TET1: variants seen among roughly 807,000 people sequenced by gnomAD.
The protein encoded by TET1 is tet methylcytosine dioxygenase 1, also known as methylcytosine dioxygenase TET1.
TET1 carries 13 observed loss-of-function variants against 148.7 expected under a neutral mutation model. The observed-to-expected ratio is 0.09, with a 90% CI of 0.06 to 0.14. The LOEUF (loss-of-function observed/expected upper bound fraction) is 0.14. TET1 is among the 10% of genes least tolerant of loss of function. TET1 has a pLI of 1.00. For synonymous variants in TET1, 907 were observed against 937.2 expected, an observed-to-expected ratio of 0.97 and a Z score of 0.59; for missense variants, 2,182 against 2,553.8, an observed-to-expected ratio of 0.85 and a Z score of 3.14.
chr10:68,627,445 A>T (rs2054501634), intron 3 of TET1, among the ~76,000 whole-genome samples: 1 of 151,854 alleles, frequency 6.6e-6, no homozygotes, highest in African/African-American at 2.4e-5. Context: ...AAAATACAAA[A>T]ATTAGGCGGA....
chr10:68,582,403 A>T (rs2053808490), intron 2 of TET1, among the ~76,000 whole-genome samples: 1 of 152,160 alleles, frequency 6.6e-6, no homozygotes, highest in Non-Finnish European at 1.5e-5. Flanking sequence ...GCCTTAGATG[A>T]CACTATTAAG....
chr10:68,691,921 A>C lies in TET1; in HGVS notation c.*107A>C, dbSNP rs2055600390. 7.7e-7 allele frequency: 1 copy of C among 1,307,074 alleles called. No individual in the cohort carries two copies. The highest frequency in any genetic ancestry group is 1.0e-6 in the Non-Finnish European group (1 of 964,268). 81.0% of individuals were successfully genotyped at this position (1,307,074 alleles called of 1,614,324 possible). The stretch of plus-strand genomic sequence containing the variant: ...TTACTATCTTCATCTCACCCATTTC[A>C]AGTCTGAGGTAAAAAAATAATAATG... On this transcript the variant is annotated 3_prime_UTR_variant, in exon 12 of 12. Transcript: ENST00000373644. This position sits in a 1 kb window ranked among gnomAD's most constrained non-coding sequence, Gnocchi z 4.4.
intron 9 of TET1, among the ~76,000 whole-genome samples, chr10:68,681,979 C>CA (rs928419676): frequency 4.5e-5 from 5 of 111,710 alleles, no homozygotes; most frequent in East Asian, 2.7e-4. Context: ...AAAAAAAAAA[C>CA]AAAAAAAACC....
chr10:68,624,674 C>G (rs138446562), intron 3 of TET1, among the ~76,000 whole-genome samples: 1 of 85,522 alleles, frequency 1.2e-5, no homozygotes, highest in Non-Finnish European at 2.2e-5. Flanking sequence ...CTCTCTCTCT[C>G]TCTCTCTCTC....
At chr10:68,678,387 T>C (rs1171812961) in intron 8 of TET1, among the ~76,000 whole-genome samples, 1 of 152,166 alleles carries the variant, frequency 6.6e-6, no homozygotes, top group East Asian at 1.9e-4. Context: ...AATCTGAAAC[T>C]TAAGAAATGG....
intron 7 of TET1, among the ~76,000 whole-genome samples, chr10:68,668,272 C>T (rs1564501986): frequency 2.0e-5 from 3 of 152,228 alleles, no homozygotes; most frequent in Non-Finnish European, 4.4e-5. Context: ...TGCAATCAAA[C>T]ATACCCATCT....
chr10:68,640,661 C>T (rs1292036049), intron 3 of TET1, among the ~76,000 whole-genome samples: 1 of 136,146 alleles, frequency 7.3e-6, no homozygotes, highest in African/African-American at 2.7e-5. Context: ...ACGCCATTCT[C>T]CTGCCTCAGC....
chr10:68,673,701 A>G (rs759067320), intron 8 of TET1, among the ~76,000 whole-genome samples: 27 of 152,188 alleles, frequency 1.8e-4, no homozygotes, highest in African/African-American at 6.3e-4. Flanking sequence ...TTGATTAACT[A>G]TAAGATTGAT....
chr10:68,636,981 T>TGTG (rs61255091), intron 3 of TET1, among the ~76,000 whole-genome samples: 2,607 of 102,474 alleles, frequency 0.025, 57 homozygotes, highest in Admixed American at 0.071. Flanking sequence ...ATTTTACTCG[T>TGTG]TGTGTGTGTG....
Position 68,644,752 on chromosome 10 carries a change from A to G in TET1, c.2023A>G (p.Ser675Gly), listed in dbSNP as rs141988009. The stretch of plus-strand genomic sequence containing the variant: ...CCCCAAGTCAGAATCCATGGACTAC[A>G]GTAGATGTGGTCATGGGGAAGAACA... The part of the protein sequence containing the change: ...NGPKSESMDY[S>G]RCGHGEEQKL... The change falls in exon 4 of 12, where the codon AGT becomes GGT. Residue 675 changes from serine (S) to glycine (G), a missense_variant. By Grantham distance (56) the Ser-to-Gly change is moderately conservative. Transcript: ENST00000373644. The G allele has an allele frequency of 9.3e-6, 15 of 1,610,786 alleles. No homozygotes were observed. The African/African-American group carries it at 1.7e-4, about 19-fold the overall frequency.
intron 3 of TET1, among the ~76,000 whole-genome samples, chr10:68,641,823 AT>A (rs1166293775): frequency 6.6e-6 from 1 of 152,042 alleles, no homozygotes; most frequent in Non-Finnish European, 1.5e-5. Flanking sequence ...TATTGAGACG[AT>A]GTCTCATTCT....
intron 2 of TET1, among the ~76,000 whole-genome samples, chr10:68,574,920 A>G (rs2053711215): frequency 6.6e-6 from 1 of 152,208 alleles, no homozygotes; most frequent in Admixed American, 6.5e-5. Flanking sequence ...GGATCTGTTG[A>G]TTTAGAATTT....
intron 2 of TET1, among the ~76,000 whole-genome samples, chr10:68,588,230 G>T (rs1325279478): frequency 6.6e-6 from 1 of 152,124 alleles, no homozygotes; most frequent in Non-Finnish European, 1.5e-5. Context: ...CAATCTGCCC[G>T]CTGCAGACTC....
intron 2 of TET1, among the ~76,000 whole-genome samples, chr10:68,577,597 C>T (rs2053747368): frequency 6.6e-6 from 1 of 152,008 alleles, no homozygotes; most frequent in African/African-American, 2.4e-5. Context: ...CACCTGAGGT[C>T]AGGAGTTTGA....
At chr10:68,669,548 G>A (rs2055243816) in intron 7 of TET1, among the ~76,000 whole-genome samples, 1 of 145,662 alleles carries the variant, frequency 6.9e-6, no homozygotes, top group Admixed American at 7.2e-5. Flanking sequence ...TAGAGACGGG[G>A]TTTCACCATG....
chr10:68,645,161 T>C lies in TET1; in HGVS notation c.2432T>C (p.Met811Thr), dbSNP rs1298265659. ...KNAMSSVATD[M>T]SCDHLKGRSN... ...GCTATGAGCTCTGTTGCTACTGATA[T>C]GAGTTGTGATCATCTCAAGGGGAGA... The change falls in exon 4 of 12, where the codon ATG (methionine) becomes ACG (threonine). Residue 811 changes from methionine (M) to threonine (T), a missense_variant. Transcript: ENST00000373644. 1 of 1,614,052 alleles carries C rather than the reference T, an allele frequency of 6.2e-7. No homozygotes were observed. The highest frequency in any genetic ancestry group is 8.5e-7 in the Non-Finnish European group (1 of 1,179,998).
intron 3 of TET1, among the ~76,000 whole-genome samples, chr10:68,607,316 A>AT (rs1055824470): frequency 1.3e-5 from 2 of 152,114 alleles, no homozygotes; most frequent in African/African-American, 4.8e-5. Flanking sequence ...TCTTTACTGT[A>AT]TAGCTCTCCA....
chr10:68,667,146 G>A lies in TET1; in HGVS notation c.4563G>A (p.Val1521=), dbSNP rs2055205699. 1 of 1,614,050 alleles carries A rather than the reference G, an allele frequency of 6.2e-7. No homozygotes were observed. Among genetic ancestry groups the A allele is most frequent in the South Asian group, 1.1e-5 (1 of 91,068 alleles). ...CTGTGATGGTGGTGCTCATCATGGT[G>A]TGGGATGGCATCCCTCTTCCAATGG... ...PTAVMVVLIM[V]WDGIPLPMAD... The change falls in exon 7 of 12, where the codon GTG becomes GTA. Residue 1521 remains valine, a synonymous_variant. Transcript: ENST00000373644.
chr10:68,582,968 T>A (rs1482379063), intron 2 of TET1, among the ~76,000 whole-genome samples: 1 of 152,230 alleles, frequency 6.6e-6, no homozygotes, highest in Non-Finnish European at 1.5e-5. Flanking sequence ...TATAAAGGCA[T>A]GTAGACTGAT....
Sources: gnomAD v4.1 joint callset for allele counts (sites outside exome capture counted in the v4.1 genomes callset) on GRCh38, gnomAD v4.1.1 for gene constraint, Gnocchi (gnomAD v3.1) non-coding constraint, MANE v1.5 for transcripts, NCBI Gene and HGNC (gene_info 2026-07-23, HGNC 2026-07-21) for gene names.